Variants in RARB observed in about 807,000 individuals in gnomAD.
The protein encoded by RARB is retinoic acid receptor beta, also known as HBV-activated protein.
A neutral mutation model predicts 51.9 loss-of-function variants in RARB; 17 were observed. The observed-to-expected ratio is 0.33, with a 90% CI of 0.22 to 0.49. The LOEUF (loss-of-function observed/expected upper bound fraction) is 0.49. RARB is among the 20% of genes least tolerant of loss of function. The probability of loss-of-function intolerance (pLI) is 0.99; values close to 1 mark genes in which losing one functional copy is unlikely to be tolerated. For synonymous variants in RARB, 215 were observed against 195.4 expected (o/e 1.10, Z -0.84); for missense variants, 369 against 550.8 (o/e 0.67, Z 3.30).
chr3:25,271,107 A>G (rs1020649610), intron 5 of RARB, among the ~76,000 whole-genome samples: 7 of 152,202 alleles, frequency 4.6e-5, no homozygotes, highest in Non-Finnish European at 8.8e-5. Flanking sequence ...TGTAACCTCT[A>G]ATTTTAGCAT....
intron 2 of RARB, among the ~76,000 whole-genome samples, chr3:25,036,086 A>AT (rs1048407448): frequency 6.6e-6 from 1 of 152,104 alleles, no homozygotes; most frequent in South Asian, 2.1e-4. Flanking sequence ...ACAAGTATTT[A>AT]TTTTTTTTAT....
At chr3:24,899,386 T>C (rs1703548648) in intron 2 of RARB, among the ~76,000 whole-genome samples, 1 of 152,178 alleles carries the variant, frequency 6.6e-6, no homozygotes, top group African/African-American at 2.4e-5. Context: ...TACTCAGTTA[T>C]CTCCCAGCGC....
chr3:25,001,488 A>G (rs1235414404), intron 2 of RARB, among the ~76,000 whole-genome samples: 1 of 152,044 alleles, frequency 6.6e-6, no homozygotes, highest in African/African-American at 2.4e-5. Flanking sequence ...GACAGAAAAA[A>G]TGCGGGACTG....
chr3:25,428,367 G>T lies in RARB; in HGVS notation c.-365G>T, dbSNP rs902075401. ...ATGCGAGCTGTTTGAGGACTGGGAT[G>T]CCGAGAACGCGAGCGATCCGAGCAG... On this transcript the variant is annotated 5_prime_UTR_variant, in exon 1 of 8. The change abolishes an upstream ATG in the 5' untranslated region. Coordinates refer to ENST00000330688, the MANE Select transcript of RARB (RefSeq NM_000965.5). 3 of 1,249,238 alleles carry T rather than the reference G, an allele frequency of 2.4e-6. No individual in the cohort carries two copies. The highest frequency in any genetic ancestry group is 3.0e-6 in the Non-Finnish European group (3 of 998,316). 77.4% of individuals were successfully genotyped at this position (1,249,238 alleles called of 1,614,324 possible).
chr3:25,275,813 T>C (rs528194173), intron 5 of RARB, among the ~76,000 whole-genome samples: 35 of 152,140 alleles, frequency 2.3e-4, no homozygotes, highest in African/African-American at 8.2e-4. Context: ...TTAGGAGATA[T>C]ACCTAATGTA....
chr3:24,920,040 A>G (rs1695186189), intron 2 of RARB, among the ~76,000 whole-genome samples: 1 of 152,246 alleles, frequency 6.6e-6, no homozygotes, highest in South Asian at 2.1e-4. Flanking sequence ...GATGCTAGTC[A>G]TACAAACCAA....
chr3:24,932,676 A>T (rs576495605), intron 2 of RARB, among the ~76,000 whole-genome samples: 2 of 152,172 alleles, frequency 1.3e-5, no homozygotes, highest in African/African-American at 4.8e-5. Flanking sequence ...ACTGAGGGCC[A>T]ATAGCATTGC....
At chr3:25,315,896 G>T (rs1704411776) in intron 5 of RARB, among the ~76,000 whole-genome samples, 1 of 151,996 alleles carries the variant, frequency 6.6e-6, no homozygotes, top group South Asian at 2.1e-4. Flanking sequence ...TGGGATTACA[G>T]GCATGAACCA....
Position 24,968,942 on chromosome 3 carries a change from T to C in RARB, c.-379-91183T>C, listed in dbSNP as rs1053795980. The stretch of plus-strand genomic sequence containing the variant: ...TTCACGTTTATTGAATACCTTCTAA[T>C]GCCAAGTACTTTTCTGGGTAATTTT... On this transcript the variant is annotated intron_variant, in intron 2 of 11. Coordinates refer to the RARB transcript ENST00000383772. Among the ~76,000 whole-genome samples, 3 of 152,124 alleles carry C rather than the reference T, an allele frequency of 2.0e-5. 1 individual carries two copies. The highest frequency in any genetic ancestry group is 4.1e-4 in the South Asian group (2 of 4,830).
At chr3:25,341,439 C>T (rs1426484739) in intron 5 of RARB, among the ~76,000 whole-genome samples, 2 of 152,076 alleles carry the variant, frequency 1.3e-5, no homozygotes, top group African/African-American at 4.8e-5. Context: ...AGAGAATTTG[C>T]CACCTATTTT....
intron 5 of RARB, among the ~76,000 whole-genome samples, chr3:25,231,194 T>G (rs1224586476): frequency 6.6e-6 from 1 of 152,152 alleles, no homozygotes; most frequent in African/African-American, 2.4e-5. Context: ...CAATGATGTT[T>G]GAAGGTAAAA....
At chr3:25,099,509 A>G (rs1027802015) in intron 3 of RARB, among the ~76,000 whole-genome samples, 1 of 151,890 alleles carries the variant, frequency 6.6e-6, no homozygotes, top group Non-Finnish European at 1.5e-5. Flanking sequence ...TAAGATGCAT[A>G]TGTATCATTG....
intron 5 of RARB, among the ~76,000 whole-genome samples, chr3:25,354,264 TC>T (rs1705663925): frequency 6.6e-6 from 1 of 151,930 alleles, no homozygotes. Context: ...ATCAGAAAAA[TC>T]CCCTGTAACT....
chr3:25,282,989 T>C (rs758730426), intron 5 of RARB, among the ~76,000 whole-genome samples: 1 of 152,180 alleles, frequency 6.6e-6, no homozygotes, highest in Non-Finnish European at 1.5e-5. Flanking sequence ...TCACTGGACA[T>C]TGTAAGAACA....
At chr3:25,564,709 C>T (rs760187654) in intron 3 of RARB, among the ~76,000 whole-genome samples, 1 of 152,138 alleles carries the variant, frequency 6.6e-6, no homozygotes, top group African/African-American at 2.4e-5. Flanking sequence ...ACATGTGGCC[C>T]TTGCCTTTCA....
At chr3:25,307,936 G>T (rs1364370148) in intron 5 of RARB, among the ~76,000 whole-genome samples, 2 of 152,182 alleles carry the variant, frequency 1.3e-5, no homozygotes, top group African/African-American at 4.8e-5. Flanking sequence ...CAGCATCAGG[G>T]TTGAGTCGTT....
At chr3:25,174,540 C>A (rs767064867) in exon 5 of RARB, 14 of 1,351,994 alleles carry the variant, frequency 1.0e-5, no homozygotes, top group Non-Finnish European at 2.0e-6. Context: ...CATGGACATC[C>A]GCCTCCGAGT....
intron 2 of RARB, among the ~76,000 whole-genome samples, chr3:25,476,636 C>A (rs2125576089): frequency 6.6e-6 from 1 of 152,264 alleles, no homozygotes; most frequent in South Asian, 2.1e-4. Flanking sequence ...CCTCCCCAAG[C>A]AGTTAAAGGG....
intron 5 of RARB, among the ~76,000 whole-genome samples, chr3:25,262,545 C>G (rs1010262741): frequency 1.3e-5 from 2 of 152,190 alleles, no homozygotes; most frequent in Non-Finnish European, 1.5e-5. Context: ...TTTCCAGGCT[C>G]TAGAGGCCAT....
Sources: gnomAD v4.1 joint callset for allele counts (sites outside exome capture counted in the v4.1 genomes callset) on GRCh38, gnomAD v4.1.1 for gene constraint, MANE v1.5 for transcripts, NCBI Gene and HGNC (gene_info 2026-07-23, HGNC 2026-07-21) for gene names.